CNDP1: variants seen among roughly 807,000 people sequenced by gnomAD.
The protein encoded by CNDP1 is carnosine dipeptidase 1.
Under a neutral mutation model 58.1 loss-of-function variants are expected in CNDP1, and 44 were observed. The observed-to-expected ratio is 0.76, with a 90% CI of 0.60 to 0.97. The LOEUF is 0.97. Ranked by LOEUF, CNDP1 falls within the 50% of genes least tolerant of loss-of-function variation. The pLI, the probability that CNDP1 is intolerant of heterozygous loss-of-function variation, is 0.00. For synonymous variants in CNDP1, 254 were observed against 252.6 expected (o/e 1.01, Z -0.05); for missense variants, 616 against 655.1 (o/e 0.94, Z 0.65).
At chr18:74,562,716 G>A (rs1269491823) in intron 5 of CNDP1, among the ~76,000 whole-genome samples, 1 of 152,224 alleles carries the variant, frequency 6.6e-6, no homozygotes, top group African/African-American at 2.4e-5. Flanking sequence ...ACATATTTGA[G>A]GAGGTGGGTC....
At position 74,561,034 on chromosome 18, in the gene CNDP1, G is replaced by C. The variant is rs4329999; in HGVS notation, c.466+16G>C. The C allele has an allele frequency of 6.2e-7, 1 of 1,607,052 alleles. No homozygotes were observed. Among genetic ancestry groups the C allele is most frequent in the Non-Finnish European group, 8.5e-7 (1 of 1,175,096 alleles). On this transcript the variant is annotated intron_variant, in intron 4 of 11. Coordinates refer to ENST00000358821, the MANE Select transcript of CNDP1 (RefSeq NM_032649.6). ...GAGGTAGACGGTCAGTGAGGCGCCC[G>C]GGCTACAGTGCGGTGCTGCTGTGCT...
chr18:74,576,609 G>A (rs907607013), intron 7 of CNDP1: 1 of 381,602 alleles, frequency 2.6e-6, no homozygotes, highest in Non-Finnish European at 4.7e-6. Flanking sequence ...TTTGTTGCAG[G>A]CCCAGGTGTT....
Position 74,562,921 on chromosome 18 carries a change from G to A in CNDP1, c.555+786G>A, listed in dbSNP as rs57688274. Among the ~76,000 whole-genome samples, 689 of 137,460 alleles carry A rather than the reference G, an allele frequency of 5.0e-3. 8 individuals carry two copies. Among genetic ancestry groups the A allele is most frequent in the African/African-American group, 0.023 (631 of 27,704 alleles). The allele number at this position is 137,460 out of a possible 152,430, so 90.2% of individuals were successfully genotyped here. A position where few individuals can be genotyped will look rare whatever the true frequency, so the allele number is the denominator to read the frequency against. On this transcript the variant is annotated intron_variant, in intron 5 of 11. Transcript: ENST00000358821. ...AAGCAACTTGACCTCTCTGGGCCTCGGAATCTGTTCTGTGAAAATGTGTGC... is the reference window on the plus strand; with the variant it reads ...AAGCAACTTGACCTCTCTGGGCCTCAGAATCTGTTCTGTGAAAATGTGTGC...
intron 7 of CNDP1, among the ~76,000 whole-genome samples, chr18:74,575,833 G>GTATGTGTGTT (rs200675929): frequency 7.5e-6 from 1 of 133,120 alleles, no homozygotes; most frequent in Non-Finnish European, 1.5e-5. Flanking sequence ...GTGTATACAT[G>GTATGTGTGTT]TGTGTGTGTG....
Position 74,540,817 on chromosome 18 carries a change from A to G in CNDP1, c.24+6126A>G, listed in dbSNP as rs937197909. Among the ~76,000 whole-genome samples, 91 of 152,332 alleles carry G rather than the reference A, an allele frequency of 6.0e-4. 1 individual carries two copies. The highest frequency in any genetic ancestry group is 2.1e-3 in the African/African-American group (86 of 41,576). Reference sequence around the variant, plus strand: ...CCATGCATGTGAAGACGCAATAAAAATGTAAACGTGAACTTACTGCAGATG... The same window carrying G: ...CCATGCATGTGAAGACGCAATAAAAGTGTAAACGTGAACTTACTGCAGATG... On this transcript the variant is annotated intron_variant, in intron 1 of 11. Coordinates refer to ENST00000358821, the MANE Select transcript of CNDP1 (RefSeq NM_032649.6).
chr18:74,544,439 G>A (rs1049884658), intron 1 of CNDP1, among the ~76,000 whole-genome samples: 9 of 152,024 alleles, frequency 5.9e-5, no homozygotes, highest in Non-Finnish European at 7.4e-5. Context: ...TAAGAAGGCC[G>A]GGCACGGTGA....
At chr18:74,573,079 A>G (rs889542908) in intron 7 of CNDP1, among the ~76,000 whole-genome samples, 11 of 152,134 alleles carry the variant, frequency 7.2e-5, no homozygotes, top group Non-Finnish European at 1.5e-4. Context: ...CTAGCTATCC[A>G]TCTATCCATC....
intron 2 of CNDP1, among the ~76,000 whole-genome samples, chr18:74,558,093 G>A (rs368953393): frequency 6.6e-6 from 1 of 152,188 alleles, no homozygotes; most frequent in African/African-American, 2.4e-5. Context: ...ATATTCCTAA[G>A]GGTTAGATAA....
intron 3 of CNDP1, 69 bp downstream of exon 3, chr18:74,559,541 G>A: frequency 1.3e-6 from 2 of 1,488,176 alleles, no homozygotes; most frequent in East Asian, 2.3e-5. Context: ...TCCCGGGGGT[G>A]GCAAGGGAGA....
In CNDP1 at chr18:74,572,745, C is replaced by T. The variant is rs1344313075; in HGVS notation, c.841+1475C>T. Reference sequence around the variant, plus strand: ...AGAGGTTGCAGTGAGCTGAGATAATCGTGCCACTGTACTGCAGCCTGGGCA... The same window carrying T: ...AGAGGTTGCAGTGAGCTGAGATAATTGTGCCACTGTACTGCAGCCTGGGCA... On this transcript the variant is annotated intron_variant, in intron 7 of 11. Coordinates refer to ENST00000358821, the MANE Select transcript of CNDP1 (RefSeq NM_032649.6). Among the ~76,000 whole-genome samples, 4 of 129,288 alleles carry T rather than the reference C, an allele frequency of 3.1e-5. No homozygotes were observed. In the East Asian group the frequency reaches 7.3e-4, roughly 24 times the overall value. 84.8% of individuals were successfully genotyped at this position (129,288 alleles called of 152,430 possible).
At chr18:74,580,355 T>A in intron 10 of CNDP1, 84 bp downstream of exon 10, 1 of 1,375,732 alleles carries the variant, frequency 7.3e-7, no homozygotes, top group Non-Finnish European at 1.0e-6. Context: ...AAGCAGACAC[T>A]TTTAAAACTC....
rs1010511479 is a variant in CNDP1 at position 74,570,145 on chromosome 18, G to C, written c.757-1041G>C. Among the ~76,000 whole-genome samples, 15 of 150,244 alleles carry C rather than the reference G, an allele frequency of 1.0e-4. No individual in the cohort carries two copies. The South Asian group carries it at 3.1e-3, about 32-fold the overall frequency. On this transcript the variant is annotated intron_variant, in intron 6 of 11. Coordinates refer to ENST00000358821, the MANE Select transcript of CNDP1 (RefSeq NM_032649.6). ...AGCTGGGAGGCGGAGATTGCAGTGA[G>C]CTGAGATCATGTCACTGCACTCCTG...
intron 11 of CNDP1, chr18:74,583,972 TTTTTATA>T: frequency 4.5e-6 from 2 of 449,192 alleles, no homozygotes; most frequent in Non-Finnish European, 8.1e-6. Flanking sequence ...GGTGTCTCTC[TTTTTATA>T]AGAGCACCAG....
At chr18:74,566,086 G>A (rs905384255) in intron 5 of CNDP1, among the ~76,000 whole-genome samples, 5 of 152,240 alleles carry the variant, frequency 3.3e-5, no homozygotes, top group African/African-American at 7.2e-5. Flanking sequence ...GCCACAGCCC[G>A]AGCTGTACAT....
rs1215495101 is a variant in CNDP1 at position 74,567,403 on chromosome 18, A to T, written c.726A>T (p.Gly242=). The change falls in exon 6 of 12, where the codon GGA becomes GGT. Residue 242 remains glycine, a synonymous_variant. Coordinates refer to ENST00000358821, the MANE Select transcript of CNDP1 (RefSeq NM_032649.6). ...ISQRKPAITY[G]TRGNSYFMVE... ...AAAGGAAGCCAGCAATCACTTACGG[A>T]ACCCGGGGGAACAGCTACTTCATGG... 6.2e-7 allele frequency: 1 copy of T among 1,613,992 alleles called. No individual in the cohort carries two copies. The highest frequency in any genetic ancestry group is 2.2e-5 in the East Asian group (1 of 44,884).
chr18:74,560,796 T>C, intron 3 of CNDP1, 60 bp from the exon 4 acceptor site: 5 of 1,530,902 alleles, frequency 3.3e-6, no homozygotes, highest in South Asian at 1.1e-5. Flanking sequence ...GTCATGTCTT[T>C]GAATTTTCTG....
chr18:74,547,235 G>A (rs527719443), intron 1 of CNDP1, among the ~76,000 whole-genome samples: 2 of 152,304 alleles, frequency 1.3e-5, no homozygotes, highest in Admixed American at 6.5e-5. Flanking sequence ...AGCAGACCCA[G>A]CACAGAGCAA....
intron 1 of CNDP1, among the ~76,000 whole-genome samples, chr18:74,547,055 G>A (rs891830040): frequency 3.3e-5 from 5 of 152,188 alleles, no homozygotes; most frequent in African/African-American, 9.7e-5. Context: ...GGGACTTGCC[G>A]CCACAGTGAG....
chr18:74,542,014 G>A lies in CNDP1; in HGVS notation c.24+7323G>A, dbSNP rs1396524491. On this transcript the variant is annotated intron_variant, in intron 1 of 11. Coordinates refer to ENST00000358821, the MANE Select transcript of CNDP1 (RefSeq NM_032649.6). ...ACTCCCCAAAGACTGCAGATGAGGA[G>A]GGGTCCCCTGTGCCTTCTAGGACTA... 2.0e-5 allele frequency among the ~76,000 whole-genome samples: 3 copies of A among 152,218 alleles called. No individual in the cohort carries two copies. The East Asian group carries it at 5.8e-4, about 29-fold the overall frequency.
Sources: gnomAD v4.1 joint callset for allele counts (sites outside exome capture counted in the v4.1 genomes callset) on GRCh38, gnomAD v4.1.1 for gene constraint, MANE v1.5 for transcripts, NCBI Gene and HGNC (gene_info 2026-07-23, HGNC 2026-07-21) for gene names.